Variants in ADAM28 observed in about 807,000 individuals in gnomAD.
The protein encoded by ADAM28 is ADAM metallopeptidase domain 28, also known as disintegrin and metalloproteinase domain-containing protein 28.
ADAM28 carries 105 observed loss-of-function variants against 101.2 expected under a neutral mutation model. The observed-to-expected ratio is 1.04, with a 90% confidence interval of 0.89 to 1.22. The LOEUF is 1.22. Among genes scored for constraint, ADAM28 ranks in the 50% most tolerant of loss-of-function variants. The probability of loss-of-function intolerance (pLI) is 0.00; values close to 1 mark genes in which losing one functional copy is unlikely to be tolerated. For missense variants in ADAM28, 1,028 were observed against 945.4 expected (o/e 1.09, Z -1.15); for synonymous variants, 322 against 310.6 (o/e 1.04, Z -0.39).
chr8:24,353,629 G>C (rs1816427512), intron 21 of ADAM28, 141 bp from the exon 22 acceptor site: 4 of 655,184 alleles, frequency 6.1e-6, no homozygotes, highest in Non-Finnish European at 1.1e-5. Context: ...GTTGGAATTT[G>C]AACTGGACCT....
chr8:24,331,435 AT>A, intron 12 of ADAM28, 108 bp downstream of exon 12: 1 of 1,141,096 alleles, frequency 8.8e-7, no homozygotes, highest in Non-Finnish European at 1.2e-6. Flanking sequence ...TTTTTGGGTA[AT>A]TTTGGGTACG....
At chr8:24,341,564 T>G (rs1182751054) in intron 15 of ADAM28, 34 bp from the exon 16 acceptor site, 1 of 1,598,802 alleles carries the variant, frequency 6.3e-7, no homozygotes, top group African/African-American at 1.3e-5. Flanking sequence ...AACTGCAATT[T>G]GAATCCTGCA....
intron 1 of ADAM28, among the ~76,000 whole-genome samples, chr8:24,299,692 G>A (rs113335133): frequency 0.03 from 4,499 of 152,244 alleles, 220 homozygotes; most frequent in African/African-American, 0.1. Context: ...GATAAGAAGT[G>A]GGAAAATCCA....
chr8:24,317,869 C>T (rs937078889), intron 6 of ADAM28, among the ~76,000 whole-genome samples: 12 of 151,748 alleles, frequency 7.9e-5, no homozygotes, highest in Non-Finnish European at 1.3e-4. Context: ...GCCAAATATG[C>T]GGGGTTAAGC....
intron 6 of ADAM28, among the ~76,000 whole-genome samples, chr8:24,318,923 A>G (rs1032513152): frequency 2.0e-5 from 3 of 151,982 alleles, no homozygotes; most frequent in African/African-American, 7.2e-5. Flanking sequence ...ATTGTAAATC[A>G]CATCACATCC....
chr8:24,342,391 T>C (rs1814886324), intron 16 of ADAM28, among the ~76,000 whole-genome samples: 1 of 152,200 alleles, frequency 6.6e-6, no homozygotes, highest in South Asian at 2.1e-4. Context: ...ATTTATCCAA[T>C]GATGAGTCCA....
chr8:24,343,374 C>G, intron 17 of ADAM28, 132 bp from the exon 18 acceptor site: 1 of 1,096,766 alleles, frequency 9.1e-7, no homozygotes, highest in Non-Finnish European at 1.3e-6. Context: ...TTCACTCATA[C>G]TTTTTGTAGA....
At chr8:24,328,496 C>T (rs755636070) in intron 10 of ADAM28, among the ~76,000 whole-genome samples, 4 of 151,936 alleles carry the variant, frequency 2.6e-5, no homozygotes, top group Non-Finnish European at 4.4e-5. Context: ...CTTGAAATAG[C>T]TTGCCATAAA....
chr8:24,301,642 TA>T (rs1323361010), intron 2 of ADAM28, among the ~76,000 whole-genome samples: 2 of 152,234 alleles, frequency 1.3e-5, no homozygotes, highest in African/African-American at 4.8e-5. Flanking sequence ...GTTTTCTAGC[TA>T]GGATTCAAAC....
intron 5 of ADAM28, among the ~76,000 whole-genome samples, chr8:24,312,518 A>G (rs1223213892): frequency 2.6e-5 from 4 of 152,036 alleles, no homozygotes; most frequent in Admixed American, 6.6e-5. Flanking sequence ...ATTGCAATAA[A>G]CCCCATAATT....
intron 12 of ADAM28, among the ~76,000 whole-genome samples, 161 bp from the exon 13 acceptor site, chr8:24,332,499 C>T (rs576549338): frequency 6.6e-6 from 1 of 152,168 alleles, no homozygotes; most frequent in East Asian, 1.9e-4. Context: ...TCAGTTGCTC[C>T]AAAATTTCAG....
intron 14 of ADAM28, among the ~76,000 whole-genome samples, chr8:24,338,195 C>T (rs11135793): frequency 0.18 from 26,779 of 152,062 alleles, 2,486 homozygotes; most frequent in East Asian, 0.35. Flanking sequence ...TAGTGGATAA[C>T]TGAAAAACAT....
At chr8:24,348,447 G>A (rs1815680041) in intron 18 of ADAM28, among the ~76,000 whole-genome samples, 1 of 151,976 alleles carries the variant, frequency 6.6e-6, no homozygotes, top group South Asian at 2.1e-4. Context: ...TTACATTAGG[G>A]TTTGCTGTTG....
intron 15 of ADAM28, 85 bp downstream of exon 15, chr8:24,339,653 A>C (rs1814529415): frequency 1.2e-5 from 14 of 1,177,618 alleles, no homozygotes; most frequent in Non-Finnish European, 1.6e-5. Context: ...TATTCCAGTT[A>C]AAGGGAAAGT....
chr8:24,304,153 G>A (rs1809227252), intron 2 of ADAM28, among the ~76,000 whole-genome samples: 1 of 150,750 alleles, frequency 6.6e-6, no homozygotes, highest in Non-Finnish European at 1.5e-5. Context: ...CCTCACGACT[G>A]TAAAAAATAA....
intron 22 of ADAM28, among the ~76,000 whole-genome samples, 188 bp from the exon 23 acceptor site, chr8:24,354,196 G>A (rs1182435920): frequency 6.6e-6 from 1 of 151,952 alleles, no homozygotes; most frequent in East Asian, 1.9e-4. Flanking sequence ...TTAGATCTTA[G>A]TGTAGTGTTT....
rs10584989 is a variant in ADAM28, at chr8:24,354,480, ACTAT to A, written c.*83_*86del. 1,417,831 of 1,430,662 alleles carry A rather than the reference ACTAT, an allele frequency of 0.99. 702,858 individuals are homozygous for A. The highest frequency in any genetic ancestry group is 1 in the East Asian group (41,106 of 41,148). The allele number at this position is 1,430,662 out of a possible 1,614,324, so 88.6% of individuals were successfully genotyped here. A position where few individuals can be genotyped will look rare whatever the true frequency, so the allele number is the denominator to read the frequency against. ...GAAAATCTGGATGGCAGAGAAATAT[ACTAT>A]CTATCTCACCAGTATTTGCTCTCGA... is the stretch of plus-strand genomic sequence containing the variant. On this transcript the variant is annotated 3_prime_UTR_variant, in exon 23 of 23. Transcript: ENST00000265769.
intron 1 of ADAM28, among the ~76,000 whole-genome samples, chr8:24,296,582 C>T (rs1807996330): frequency 6.6e-6 from 1 of 152,154 alleles, no homozygotes; most frequent in Admixed American, 6.5e-5. Flanking sequence ...TGTAGCAATC[C>T]AGACTAATGT....
At chr8:24,326,700 A>C (rs955066090) in intron 10 of ADAM28, 65 bp downstream of exon 10, 1 of 1,453,566 alleles carries the variant, frequency 6.9e-7, no homozygotes, top group South Asian at 1.2e-5. Flanking sequence ...TAAAAAATCT[A>C]TAGAGAAGAT....
Sources: allele counts gnomAD v4.1 joint callset (sites outside exome capture counted in the v4.1 genomes callset), GRCh38; gene constraint gnomAD v4.1.1; transcripts MANE v1.5; gene names NCBI Gene and HGNC (gene_info 2026-07-23, HGNC 2026-07-21).